Variants in TATDN2 observed in about 807,000 individuals in gnomAD.
TATDN2 encodes 3'-5' RNA nuclease TATDN2.
Under a neutral mutation model 60.3 loss-of-function variants are expected in TATDN2, and 44 were observed. That is an observed-to-expected ratio of 0.73 (90% CI 0.57 to 0.94). The LOEUF (loss-of-function observed/expected upper bound fraction) is 0.94. TATDN2 is among the 40% of genes least tolerant of loss of function. The pLI is 0.00. For synonymous variants in TATDN2, 399 were observed against 355.8 expected (o/e 1.12, Z -1.37); for missense variants, 997 against 948.0 (o/e 1.05, Z -0.68).
At chr3:10,250,711 A>AT (rs1559458352) in intron 2 of TATDN2, among the ~76,000 whole-genome samples, 1 of 151,936 alleles carries the variant, frequency 6.6e-6, no homozygotes. Context: ...GGGCACGTGG[A>AT]TTTTTTCTTT....
intron 4 of TATDN2, among the ~76,000 whole-genome samples, chr3:10,275,929 A>G (rs1698630272): frequency 6.6e-6 from 1 of 152,152 alleles, no homozygotes; most frequent in Non-Finnish European, 1.5e-5. Flanking sequence ...GGAAGTTGGT[A>G]TCTCTTGAGA....
chr3:10,280,390 G>A lies in TATDN2; in HGVS notation c.*1208G>A, dbSNP rs1412152033. The A allele has an allele frequency of 1.3e-5, 2 of 153,772 alleles. No individual in the cohort carries two copies. The highest frequency in any genetic ancestry group is 2.9e-5 in the Non-Finnish European group (2 of 68,110). 9.5% of individuals were successfully genotyped at this position (153,772 alleles called of 1,614,324 possible). On this transcript the variant is annotated 3_prime_UTR_variant, in exon 8 of 8. Coordinates refer to ENST00000448281, the MANE Select transcript of TATDN2 (RefSeq NM_014760.4). ...CTGCTCTGCCGCCTGCTGGTGCCTT[G>A]TAAAGGTATACTCGTTACAGGCCCT... is the stretch of plus-strand genomic sequence containing the variant.
At chr3:10,252,016 C>T in intron 2 of TATDN2, among the ~76,000 whole-genome samples, 1 of 151,504 alleles carries the variant, frequency 6.6e-6, no homozygotes, top group Admixed American at 6.6e-5. Context: ...GGCATGGTGG[C>T]GGGTGCCTGT....
intron 5 of TATDN2, among the ~76,000 whole-genome samples, chr3:10,276,811 ACTC>A (rs1407190633): frequency 2.0e-5 from 3 of 152,086 alleles, no homozygotes; most frequent in Admixed American, 2.0e-4. Flanking sequence ...CTGGTCCCGA[ACTC>A]CTGACCTCGT....
In TATDN2 at chr3:10,280,120, T is replaced by G. The variant is rs1213651446; in HGVS notation, c.*938T>G. On this transcript the variant is annotated 3_prime_UTR_variant, in exon 8 of 8. Coordinates refer to ENST00000448281, the MANE Select transcript of TATDN2 (RefSeq NM_014760.4). ...ATTTCATCTTGTGTACAGTCCTTTGTGTACCCCGCCCAGGTTGAGAGGTGA... is the reference window on the plus strand; with the variant it reads ...ATTTCATCTTGTGTACAGTCCTTTGGGTACCCCGCCCAGGTTGAGAGGTGA... The G allele has an allele frequency of 6.5e-6, 1 of 153,792 alleles. No homozygotes were observed. The highest frequency in any genetic ancestry group is 1.5e-5 in the Non-Finnish European group (1 of 68,060). The allele number at this position is 153,792 out of a possible 1,614,324, so 9.5% of individuals were successfully genotyped here.
intron 3 of TATDN2, among the ~76,000 whole-genome samples, chr3:10,261,056 G>C (rs1054075717): frequency 8.5e-5 from 13 of 152,198 alleles, no homozygotes; most frequent in Admixed American, 7.8e-4. Flanking sequence ...CTCTTGGTGT[G>C]AAATGGATAC....
chr3:10,249,234 T>C lies in TATDN2; in HGVS notation c.34T>C (p.Trp12Arg), dbSNP rs745649767. 1 of 1,548,656 alleles carries C rather than the reference T, an allele frequency of 6.5e-7. No individual in the cohort carries two copies. Among genetic ancestry groups the C allele is most frequent in the Non-Finnish European group, 8.7e-7 (1 of 1,145,732 alleles). Residue 12 changes from tryptophan to arginine, a missense_variant, in exon 2 of 8, where the codon TGG becomes CGG. Coordinates refer to ENST00000448281, the MANE Select transcript of TATDN2 (RefSeq NM_014760.4). ...ASERGKVKHN[W>R]SSTSEGCPRK... ...CGAGCGGGGCAAGGTCAAGCACAACTGGAGCAGCACGTCGGAAGGGTGTCC... is the reference window on the plus strand; with the variant it reads ...CGAGCGGGGCAAGGTCAAGCACAACCGGAGCAGCACGTCGGAAGGGTGTCC...
intron 2 of TATDN2, among the ~76,000 whole-genome samples, chr3:10,253,341 C>A (rs1042742908): frequency 3.9e-5 from 6 of 152,150 alleles, no homozygotes; most frequent in African/African-American, 1.4e-4. Flanking sequence ...TGACTTTGTT[C>A]CCTTCTCCCA....
At chr3:10,254,359 G>A (rs1001180038) in intron 2 of TATDN2, among the ~76,000 whole-genome samples, 3 of 152,174 alleles carry the variant, frequency 2.0e-5, no homozygotes, top group African/African-American at 4.8e-5. Flanking sequence ...AGGACATTTC[G>A]GGCATAGGGA....
chr3:10,279,224 G>T lies in TATDN2; in HGVS notation c.*42G>T. 2 of 673,934 alleles carry T rather than the reference G, an allele frequency of 3.0e-6. No individual in the cohort carries two copies. Among genetic ancestry groups the T allele is most frequent in the Non-Finnish European group, 4.8e-6 (2 of 417,384 alleles). The allele number at this position is 673,934 out of a possible 1,614,324, so 41.7% of individuals were successfully genotyped here. A position where few individuals can be genotyped will look rare whatever the true frequency, so the allele number is the denominator to read the frequency against. The stretch of plus-strand genomic sequence containing the variant: ...CTTTTTCTCTTCCACCCTCCAGGGC[G>T]ACCAGCAGCCTGACAGAACACAGGC... On this transcript the variant is annotated 3_prime_UTR_variant, in exon 8 of 8. Coordinates refer to ENST00000448281, the MANE Select transcript of TATDN2 (RefSeq NM_014760.4).
rs934347910 is a variant in TATDN2 at position 10,281,035 on chromosome 3, T to G, written c.*1853T>G. On this transcript the variant is annotated 3_prime_UTR_variant, in exon 8 of 8. Coordinates refer to ENST00000448281, the MANE Select transcript of TATDN2 (RefSeq NM_014760.4). ...CTACTTTTCTCTCTAGGATTTAGATTATCATTTATGTGCTGTTGCACAGTG... is the reference window on the plus strand; with the variant it reads ...CTACTTTTCTCTCTAGGATTTAGATGATCATTTATGTGCTGTTGCACAGTG... The G allele has an allele frequency of 1.3e-5, 2 of 152,234 alleles. No homozygotes were observed. Among genetic ancestry groups the G allele is most frequent in the Non-Finnish European group, 2.9e-5 (2 of 68,050 alleles). 9.4% of individuals were successfully genotyped at this position (152,234 alleles called of 1,614,324 possible).
intron 5 of TATDN2, among the ~76,000 whole-genome samples, chr3:10,276,990 A>G (rs1461403051): frequency 2.1e-5 from 3 of 145,800 alleles, no homozygotes; most frequent in East Asian, 2.0e-4. Context: ...GTAACTTCGT[A>G]TGGTTTGAAC....
Position 10,279,039 on chromosome 3 carries a change from A to C in TATDN2, c.*14A>C, listed in dbSNP as rs771865718. 1 of 1,609,468 alleles carries C rather than the reference A, an allele frequency of 6.2e-7. No individual in the cohort carries two copies. The highest frequency in any genetic ancestry group is 1.1e-5 in the South Asian group (1 of 90,486). ...TACAGTCTTTAAGCAGAGAAGGTAC[A>C]GTCCTCGGGAGTCTCCTAGAAAAGG... On this transcript the variant is annotated 3_prime_UTR_variant, in exon 7 of 8. Transcript: ENST00000448281.
At chr3:10,255,910 T>C (rs894547761) in intron 2 of TATDN2, among the ~76,000 whole-genome samples, 7 of 152,194 alleles carry the variant, frequency 4.6e-5, no homozygotes, top group Non-Finnish European at 1.0e-4. Context: ...GCCACTGTAC[T>C]CCGGCCTGGG....
At chr3:10,256,496 C>T (rs147034915) in intron 2 of TATDN2, among the ~76,000 whole-genome samples, 1,975 of 151,664 alleles carry the variant, frequency 0.013, 19 homozygotes, top group Non-Finnish European at 0.019. Context: ...TTTTATTGAA[C>T]GCTAAACCCA....
At position 10,278,346 on chromosome 3, in the gene TATDN2, GGCTTCACGGCAGTGCT is replaced by G; in HGVS notation, c.2031_2046del (p.Phe678HisfsTer12). On this transcript the variant is annotated frameshift_variant, in exon 6 of 8. Coordinates refer to ENST00000448281, the MANE Select transcript of TATDN2 (RefSeq NM_014760.4). LOFTEE classifies it high-confidence loss of function. The surrounding 1 kb of genome is among the most constrained non-coding windows in gnomAD (Gnocchi z 4.7). ...GAAGTACTTTCCCAACATGTCTGTG[GGCTTCACGGCAGTGCT>G]GACATACTCCTCTGCCTGGGAGGCC... is the stretch of plus-strand genomic sequence containing the variant. The G allele has an allele frequency of 6.2e-7, 1 of 1,614,192 alleles. No individual in the cohort carries two copies. Among genetic ancestry groups the G allele is most frequent in the Non-Finnish European group, 8.5e-7 (1 of 1,180,026 alleles).
intron 2 of TATDN2, among the ~76,000 whole-genome samples, chr3:10,253,837 A>C (rs558958875): frequency 8.5e-5 from 13 of 152,362 alleles, no homozygotes; most frequent in African/African-American, 3.1e-4. Flanking sequence ...GAAAGGTTAA[A>C]TAAGCTGACC....
rs189005213 is a variant in TATDN2, at chr3:10,280,471, A to C, written c.*1289A>C. 6.5e-6 allele frequency: 1 copy of C among 153,890 alleles called. No individual in the cohort carries two copies. Among genetic ancestry groups the C allele is most frequent in the Admixed American group, 6.5e-5 (1 of 15,304 alleles). The allele number at this position is 153,890 out of a possible 1,614,324, so 9.5% of individuals were successfully genotyped here. On this transcript the variant is annotated 3_prime_UTR_variant, in exon 8 of 8. Coordinates refer to ENST00000448281, the MANE Select transcript of TATDN2 (RefSeq NM_014760.4). ...AGGAGACTGTACTTTGTTTCAAAGG[A>C]TCCTTCACCCTGATCTGCAGTGAGG...
At chr3:10,261,365 C>CTTT (rs58599009) in intron 3 of TATDN2, among the ~76,000 whole-genome samples, 2 of 134,034 alleles carry the variant, frequency 1.5e-5, no homozygotes, top group Non-Finnish European at 1.6e-5. Context: ...CCATCTTTTT[C>CTTT]TTTTTTTTTT....
Sources: gnomAD v4.1 joint callset for allele counts (sites outside exome capture counted in the v4.1 genomes callset) on GRCh38, gnomAD v4.1.1 for gene constraint, Gnocchi (gnomAD v3.1) non-coding constraint, MANE v1.5 for transcripts, NCBI Gene and HGNC (gene_info 2026-07-23, HGNC 2026-07-21) for gene names.